Variants in GDPGP1 observed in about 807,000 individuals in gnomAD.
GDPGP1 encodes the protein GDP-D-glucose phosphorylase 1, also known as GDP-D-glucose phosphorylase C15orf58.
GDPGP1 carries 18 observed loss-of-function variants against 19.2 expected under a neutral mutation model. The ratio of observed to expected loss-of-function variants is 0.94; its 90% CI spans 0.65 to 1.39. The LOEUF is 1.39. Among genes scored for constraint, GDPGP1 ranks in the 40% most tolerant of loss-of-function variants. The pLI is 0.00. For synonymous variants in GDPGP1, 219 were observed against 208.9 expected (o/e 1.05, Z -0.42); for missense variants, 449 against 490.5 (o/e 0.92, Z 0.80).
At chr15:90,240,761 C>G (rs1962734472) in intron 3 of GDPGP1, 139 bp from the exon 4 acceptor site, 1 of 613,652 alleles carries the variant, frequency 1.6e-6, no homozygotes, top group Non-Finnish European at 2.8e-6. Flanking sequence ...TACAGTGAAC[C>G]AAGATCACTG....
chr15:90,238,134 T>G (rs1025128326), intron 2 of GDPGP1, among the ~76,000 whole-genome samples: 3 of 152,056 alleles, frequency 2.0e-5, no homozygotes, highest in Non-Finnish European at 4.4e-5. Flanking sequence ...ACCTGGTCTT[T>G]CCTAAAAATA....
At chr15:90,236,543 T>C (rs1962640174) in intron 2 of GDPGP1, among the ~76,000 whole-genome samples, 1 of 152,180 alleles carries the variant, frequency 6.6e-6, no homozygotes, top group Admixed American at 6.5e-5. Context: ...TGTAAATTAT[T>C]TTTATTTGTG....
intron 3 of GDPGP1, among the ~76,000 whole-genome samples, chr15:90,240,453 A>G (rs571587523): frequency 6.6e-6 from 1 of 152,196 alleles, no homozygotes; most frequent in South Asian, 2.1e-4. Flanking sequence ...GGTTGCAGTG[A>G]GCCAAGATCG....
At chr15:90,234,863 A>C (rs539028134) in intron 2 of GDPGP1, among the ~76,000 whole-genome samples, 2 of 152,342 alleles carry the variant, frequency 1.3e-5, no homozygotes, top group East Asian at 3.9e-4. Context: ...CGAATGCATA[A>C]TAAATGAATG....
At chr15:90,237,055 T>C (rs1370162564) in intron 2 of GDPGP1, among the ~76,000 whole-genome samples, 1 of 152,034 alleles carries the variant, frequency 6.6e-6, no homozygotes, top group African/African-American at 2.4e-5. Flanking sequence ...GCCTCCCAGA[T>C]TCAAGCGATT....
intron 2 of GDPGP1, among the ~76,000 whole-genome samples, chr15:90,236,942 T>C (rs1962647803): frequency 6.6e-6 from 1 of 151,888 alleles, no homozygotes; most frequent in South Asian, 2.1e-4. Flanking sequence ...ACCGAGCTGC[T>C]GATATACTTT....
At position 90,245,228 on chromosome 15, in the gene GDPGP1, G is replaced by A. The variant is rs990938843; in HGVS notation, c.*3162G>A. 5 of 152,234 alleles carry A rather than the reference G, an allele frequency of 3.3e-5. No homozygotes were observed. The highest frequency in any genetic ancestry group is 6.5e-5 in the Admixed American group (1 of 15,270). The allele number at this position is 152,234 out of a possible 1,614,324, so 9.4% of individuals were successfully genotyped here. A position where few individuals can be genotyped will look rare whatever the true frequency, so the allele number is the denominator to read the frequency against. On this transcript the variant is annotated 3_prime_UTR_variant, in exon 4 of 4. Transcript: ENST00000329600. Reference sequence around the variant, plus strand: ...GCGGTGGCTCACGCCTGTAATCCCAGCACTTTGGGAGGCTGAAGCAGGCAG... The same window carrying A: ...GCGGTGGCTCACGCCTGTAATCCCAACACTTTGGGAGGCTGAAGCAGGCAG...
chr15:90,234,797 C>A (rs1388258753), intron 2 of GDPGP1, among the ~76,000 whole-genome samples: 1 of 152,154 alleles, frequency 6.6e-6, no homozygotes, highest in African/African-American at 2.4e-5. Context: ...TGCTCTTGTC[C>A]CCTCTTAACC....
In GDPGP1 at chr15:90,241,547, G is replaced by A. The variant is rs200655681; in HGVS notation, c.639G>A (p.Ser213=). The change falls in exon 4 of 4, where the codon TCG becomes TCA. Residue 213 remains serine (S), a synonymous_variant. Coordinates refer to ENST00000329600, the MANE Select transcript of GDPGP1 (RefSeq NM_001013657.3). ...TCAACAGCCTGGGAGGCTTGGCCTC[G>A]GTGAACCACCTCCACCTGCATGGCT... ...VGFNSLGGLA[S]VNHLHLHGYY... 2.4e-5 allele frequency: 39 copies of A among 1,613,098 alleles called. No individual in the cohort carries two copies. The highest frequency in any genetic ancestry group is 1.3e-4 in the African/African-American group (10 of 74,946).
At chr15:90,240,634 G>A (rs998869795) in intron 3 of GDPGP1, among the ~76,000 whole-genome samples, 1 of 152,080 alleles carries the variant, frequency 6.6e-6, no homozygotes, top group Non-Finnish European at 1.5e-5. Flanking sequence ...CCAACATGGT[G>A]AAACACCATC....
rs1962823919 is a variant in GDPGP1 at position 90,244,313 on chromosome 15, G to A, written c.*2247G>A. The A allele has an allele frequency of 6.6e-6, 1 of 152,208 alleles. No individual in the cohort carries two copies. The highest frequency in any genetic ancestry group is 1.5e-5 in the Non-Finnish European group (1 of 68,094). 9.4% of individuals were successfully genotyped at this position (152,208 alleles called of 1,614,324 possible). ...CACTTTAGAAGCTCCTCTTGATGTA[G>A]ACACAAAATCCAAAGCTAAGTCGTT... On this transcript the variant is annotated 3_prime_UTR_variant, in exon 4 of 4. Transcript: ENST00000329600.
intron 3 of GDPGP1, among the ~76,000 whole-genome samples, chr15:90,239,775 C>G (rs1962711515): frequency 6.6e-6 from 1 of 152,196 alleles, no homozygotes; most frequent in Non-Finnish European, 1.5e-5. Flanking sequence ...ATGGTGCGAT[C>G]TCGGCAGTGC....
At chr15:90,239,440 G>A (rs1275632021) in intron 3 of GDPGP1, among the ~76,000 whole-genome samples, 6 of 152,030 alleles carry the variant, frequency 3.9e-5, no homozygotes, top group African/African-American at 1.4e-4. Flanking sequence ...GGGTGGACAG[G>A]CCTCAGGAAA....
rs1281182777 is a variant in GDPGP1 at position 90,239,778 on chromosome 15, G to A, written c.-9-1122G>A. Reference sequence around the variant, plus strand: ...GGCTGGACTGCAATGGTGCGATCTCGGCAGTGCCTGGTGGCACATGCCTGT... The same window carrying A: ...GGCTGGACTGCAATGGTGCGATCTCAGCAGTGCCTGGTGGCACATGCCTGT... On this transcript the variant is annotated intron_variant, in intron 3 of 3. Transcript: ENST00000329600. Among the ~76,000 whole-genome samples, 9 of 152,092 alleles carry A rather than the reference G, an allele frequency of 5.9e-5. No homozygotes were observed. In the South Asian group the frequency reaches 8.3e-4, roughly 14 times the overall value.
chr15:90,238,152 T>G (rs1567071694), intron 2 of GDPGP1, among the ~76,000 whole-genome samples: 1 of 152,104 alleles, frequency 6.6e-6, no homozygotes, highest in Non-Finnish European at 1.5e-5. Context: ...ATACAAACAT[T>G]AGCCGGGCGT....
At position 90,243,062 on chromosome 15, in the gene GDPGP1, T is replaced by G. The variant is rs1962798889; in HGVS notation, c.*996T>G. ...AGGAGTGTGTGTGACAGTTACACAC[T>G]CCTGACTTTACATTTAGATTTTGTC... is the stretch of plus-strand genomic sequence containing the variant. On this transcript the variant is annotated 3_prime_UTR_variant, in exon 4 of 4. Transcript: ENST00000329600. 6.6e-6 allele frequency: 1 copy of G among 152,202 alleles called. No homozygotes were observed. Among genetic ancestry groups the G allele is most frequent in the Non-Finnish European group, 1.5e-5 (1 of 68,066 alleles). 9.4% of individuals were successfully genotyped at this position (152,202 alleles called of 1,614,324 possible). A position where few individuals can be genotyped will look rare whatever the true frequency, so the allele number is the denominator to read the frequency against.
intron 2 of GDPGP1, among the ~76,000 whole-genome samples, chr15:90,235,790 G>T (rs78957421): frequency 2.0e-5 from 3 of 152,002 alleles, no homozygotes; most frequent in African/African-American, 7.2e-5. Flanking sequence ...GGATGGTCTG[G>T]ATCTCCTGAC....
At position 90,235,904 on chromosome 15, in the gene GDPGP1, GAGAA is replaced by G. The variant is rs546942544; in HGVS notation, c.-67+1312_-67+1315del. On this transcript the variant is annotated intron_variant, in intron 2 of 3. Coordinates refer to ENST00000329600, the MANE Select transcript of GDPGP1 (RefSeq NM_001013657.3). ...TCTTAATAGCAGGCTCTTTCTGTCC[GAGAA>G]AGAGTTAGTCTTCTGTTAGTAAAAG... Among the ~76,000 whole-genome samples, 342 of 152,210 alleles carry G rather than the reference GAGAA, an allele frequency of 2.2e-3. 1 individual carries two copies. The highest frequency in any genetic ancestry group is 4.0e-3 in the Non-Finnish European group (272 of 68,016).
rs902429400 is a variant in GDPGP1, at chr15:90,241,088, T to G, written c.180T>G (p.Asp60Glu). ...IPDALPQSPF[D>E]AALCSAWKQR... Reference sequence around the variant, plus strand: ...ATGCTCTGCCACAATCTCCCTTTGATGCTGCACTCTGCTCTGCCTGGAAGC... The same window carrying G: ...ATGCTCTGCCACAATCTCCCTTTGAGGCTGCACTCTGCTCTGCCTGGAAGC... Residue 60 changes from aspartate (D) to glutamate (E), a missense_variant, in exon 4 of 4, where the codon GAT becomes GAG. Physicochemically the swap from Asp to Glu is conservative, Grantham distance 45 (BLOSUM62 2). Coordinates refer to ENST00000329600, the MANE Select transcript of GDPGP1 (RefSeq NM_001013657.3). 1 of 1,614,196 alleles carries G rather than the reference T, an allele frequency of 6.2e-7. No individual in the cohort carries two copies.
Sources: gnomAD v4.1 joint callset for allele counts (sites outside exome capture counted in the v4.1 genomes callset) on GRCh38, gnomAD v4.1.1 for gene constraint, MANE v1.5 for transcripts, NCBI Gene and HGNC (gene_info 2026-07-23, HGNC 2026-07-21) for gene names.